Variants in YWHAQ observed in about 807,000 individuals in gnomAD.
YWHAQ encodes tyrosine 3-monooxygenase/tryptophan 5-monooxygenase activation protein theta, also known as 14-3-3 protein theta.
A neutral mutation model predicts 28.3 loss-of-function variants in YWHAQ; 6 were observed. The ratio of observed to expected loss-of-function variants is 0.21; its 90% CI spans 0.12 to 0.42. YWHAQ has a LOEUF of 0.42. YWHAQ is among the 10% of genes least tolerant of loss of function. YWHAQ has a pLI of 1.00. For missense variants in YWHAQ, 201 were observed against 305.6 expected (o/e 0.66, Z 2.55); for synonymous variants, 143 against 119.1 (o/e 1.20, Z -1.31).
At chr2:9,607,932 C>T (rs1015531578) in intron 2 of YWHAQ, among the ~76,000 whole-genome samples, 1 of 151,880 alleles carries the variant, frequency 6.6e-6, no homozygotes, top group African/African-American at 2.4e-5. Context: ...AGGCTGGTCT[C>T]GAACTCCTGA....
intron 2 of YWHAQ, among the ~76,000 whole-genome samples, chr2:9,603,981 G>C (rs964108371): frequency 2.0e-5 from 3 of 151,996 alleles, no homozygotes; most frequent in African/African-American, 4.8e-5. Flanking sequence ...GCCAAATTAG[G>C]CTTTGGCCTC....
At chr2:9,620,898 T>C (rs1349099265) in intron 2 of YWHAQ, among the ~76,000 whole-genome samples, 1 of 152,174 alleles carries the variant, frequency 6.6e-6, no homozygotes, top group Non-Finnish European at 1.5e-5. Flanking sequence ...AAAATTCTCG[T>C]AGAACAGCAG....
chr2:9,596,645 T>A (rs1666576222), intron 2 of YWHAQ, among the ~76,000 whole-genome samples: 1 of 152,146 alleles, frequency 6.6e-6, no homozygotes, highest in South Asian at 2.1e-4. Context: ...ACCAGCATAT[T>A]AATAGACCCT....
At chr2:9,600,018 T>C (rs1475673112) in intron 2 of YWHAQ, among the ~76,000 whole-genome samples, 1 of 151,968 alleles carries the variant, frequency 6.6e-6, no homozygotes, top group African/African-American at 2.4e-5. Flanking sequence ...TTAACAACAG[T>C]TTGGAAGAAG....
chr2:9,602,862 AAT>A (rs71413909), intron 2 of YWHAQ, among the ~76,000 whole-genome samples: 250 of 20,820 alleles, frequency 0.012, 1 homozygote, highest in Admixed American at 0.031. Context: ...AAAAAAAAAA[AAT>A]ATATATATAT....
At chr2:9,602,960 T>C (rs1184162669) in intron 2 of YWHAQ, among the ~76,000 whole-genome samples, 1 of 140,112 alleles carries the variant, frequency 7.1e-6, no homozygotes, top group Non-Finnish European at 1.5e-5. Context: ...TGGCCTCAAG[T>C]GATCCTCCTG....
chr2:9,607,496 C>G (rs1396734184), intron 2 of YWHAQ, among the ~76,000 whole-genome samples: 1 of 151,938 alleles, frequency 6.6e-6, no homozygotes, highest in Non-Finnish European at 1.5e-5. Flanking sequence ...CGTGAGCCAT[C>G]GTACCTGGCA....
At chr2:9,585,383 G>C (rs1254611160) in intron 5 of YWHAQ, 38 bp from the exon 6 acceptor site, 25 of 1,608,640 alleles carry the variant, frequency 1.6e-5, no homozygotes, top group Non-Finnish European at 2.1e-5. Context: ...ACTATTTCTA[G>C]ATTAGGCAAT....
In YWHAQ at chr2:9,588,113, G is replaced by A. The variant is rs1666383140; in HGVS notation, c.582+52C>T. ...AAATACCTATAAATTAACATACCTG[G>A]TATCTCAAATAACTGTAGCTAAAGT... On this transcript the variant is annotated intron_variant, in intron 4 of 5. Coordinates refer to ENST00000238081, the MANE Select transcript of YWHAQ (RefSeq NM_006826.4). The A allele has an allele frequency of 2.7e-6, 4 of 1,476,838 alleles. No individual in the cohort carries two copies. In the South Asian group the frequency reaches 6.0e-5, roughly 22 times the overall value. The allele number at this position is 1,476,838 out of a possible 1,614,324, so 91.5% of individuals were successfully genotyped here.
At chr2:9,598,357 C>T (rs762031298) in intron 2 of YWHAQ, among the ~76,000 whole-genome samples, 8 of 152,156 alleles carry the variant, frequency 5.3e-5, no homozygotes, top group Non-Finnish European at 1.2e-4. Context: ...ACCATGTGAC[C>T]TGGCTGCCCA....
intron 5 of YWHAQ, among the ~76,000 whole-genome samples, chr2:9,586,657 T>C (rs1186535757): frequency 6.6e-6 from 1 of 152,158 alleles, no homozygotes; most frequent in Non-Finnish European, 1.5e-5. Context: ...GGATTCATAA[T>C]TACCCTATTC....
chr2:9,622,087 T>A (rs1002481196), intron 2 of YWHAQ, among the ~76,000 whole-genome samples: 3 of 151,846 alleles, frequency 2.0e-5, no homozygotes, highest in Non-Finnish European at 4.4e-5. Flanking sequence ...CTAATGTAGA[T>A]GACGGGCTGA....
In YWHAQ at chr2:9,617,636, A is replaced by G. The variant is rs552705147; in HGVS notation, c.294+12523T>C. The stretch of plus-strand genomic sequence containing the variant: ...ATGTTACGTGTTATCTTACCACACT[A>G]TAAGAGTTTTATTTAAAAAAGGTTA... On this transcript the variant is annotated intron_variant, in intron 2 of 5. Transcript: ENST00000238081. Among the ~76,000 whole-genome samples, 38 of 152,304 alleles carry G rather than the reference A, an allele frequency of 2.5e-4. 1 individual carries two copies. In the South Asian group the frequency reaches 7.2e-3, roughly 29 times the overall value.
At chr2:9,612,038 G>A (rs1302355685) in intron 2 of YWHAQ, among the ~76,000 whole-genome samples, 1 of 152,044 alleles carries the variant, frequency 6.6e-6, no homozygotes, top group African/African-American at 2.4e-5. Context: ...AGCCACCTAC[G>A]TTCATCCACA....
At chr2:9,621,498 T>TG (rs1279534327) in intron 2 of YWHAQ, among the ~76,000 whole-genome samples, 1 of 152,210 alleles carries the variant, frequency 6.6e-6, no homozygotes, top group East Asian at 1.9e-4. Flanking sequence ...ATCCACCACC[T>TG]GGATCTTACC....
At chr2:9,591,271 AC>A in intron 3 of YWHAQ, 120 bp downstream of exon 3, 1 of 1,205,406 alleles carries the variant, frequency 8.3e-7, no homozygotes, top group Non-Finnish European at 1.1e-6. Flanking sequence ...AATTTTCTTG[AC>A]ATACATTCAA....
intron 2 of YWHAQ, among the ~76,000 whole-genome samples, chr2:9,611,821 C>G (rs1480872707): frequency 6.6e-6 from 1 of 151,992 alleles, no homozygotes; most frequent in Non-Finnish European, 1.5e-5. Flanking sequence ...CAGGTGTGCA[C>G]CACCACGCCC....
intron 3 of YWHAQ, 51 bp downstream of exon 3, chr2:9,591,341 C>G: frequency 1.9e-6 from 3 of 1,581,054 alleles, no homozygotes; most frequent in Non-Finnish European, 2.6e-6. Flanking sequence ...CCATTTATCC[C>G]CATTTCTTTT....
In YWHAQ at chr2:9,630,088, C is replaced by T. The variant is rs1052978395; in HGVS notation, c.294+71G>A. 6.5e-7 allele frequency: 1 copy of T among 1,549,402 alleles called. No individual in the cohort carries two copies. Among genetic ancestry groups the T allele is most frequent in the Non-Finnish European group, 8.7e-7 (1 of 1,143,990 alleles). ...GCAAGCCCCGGCTCACGTTTGTTTC[C>T]GTGCCCGCGAAACTCTCAATGAAAA... On this transcript the variant is annotated intron_variant, in intron 2 of 5. Transcript: ENST00000238081. This position sits in a 1 kb window ranked among gnomAD's most constrained non-coding sequence, Gnocchi z 5.6.
Sources: allele counts gnomAD v4.1 joint callset (sites outside exome capture counted in the v4.1 genomes callset), GRCh38; gene constraint gnomAD v4.1.1; non-coding constraint Gnocchi (gnomAD v3.1); transcripts MANE v1.5; gene names NCBI Gene and HGNC (gene_info 2026-07-23, HGNC 2026-07-21).